Variants in TRIM67 observed in about 807,000 individuals in gnomAD.
The protein encoded by TRIM67 is tripartite motif containing 67.
In TRIM67, 39 loss-of-function variants were observed where a neutral mutation model predicts 71.0. That is an observed-to-expected ratio of 0.55 (90% CI 0.43 to 0.72). The LOEUF is 0.72. Among genes scored for constraint, TRIM67 ranks in the 30% least tolerant of loss-of-function variants. The probability of loss-of-function intolerance (pLI) is 0.00; values close to 1 mark genes in which losing one functional copy is unlikely to be tolerated. For missense variants in TRIM67, 973 were observed against 1,079.2 expected (o/e 0.90, Z 1.38); for synonymous variants, 481 against 473.9 (o/e 1.01, Z -0.19).
rs1157186159 is a variant in TRIM67, at chr1:231,162,829, T to C, written c.-141T>C. The C allele has an allele frequency of 3.6e-6, 4 of 1,102,858 alleles. No homozygotes were observed. Among genetic ancestry groups the C allele is most frequent in the African/African-American group, 1.6e-5 (1 of 61,990 alleles). The allele number at this position is 1,102,858 out of a possible 1,614,324, so 68.3% of individuals were successfully genotyped here. A position where few individuals can be genotyped will look rare whatever the true frequency, so the allele number is the denominator to read the frequency against. On this transcript the variant is annotated 5_prime_UTR_variant, in exon 1 of 10. Coordinates refer to ENST00000366653, the MANE Select transcript of TRIM67 (RefSeq NM_001004342.5). ...CAGGACAGAGAGAGGGGCGTGCCCCTCGGCTGTGAAGTGGGCATGCCCGTG... is the reference window on the plus strand; with the variant it reads ...CAGGACAGAGAGAGGGGCGTGCCCCCCGGCTGTGAAGTGGGCATGCCCGTG...
At chr1:231,169,657 G>A (rs1269324494) in intron 1 of TRIM67, among the ~76,000 whole-genome samples, 2 of 151,924 alleles carry the variant, frequency 1.3e-5, no homozygotes, top group Non-Finnish European at 2.9e-5. Context: ...GGGATTACAG[G>A]CATGTGACAC....
At chr1:231,164,149 C>A in intron 1 of TRIM67, 136 bp downstream of exon 1, 1 of 1,133,794 alleles carries the variant, frequency 8.8e-7, no homozygotes, top group Non-Finnish European at 1.2e-6. Flanking sequence ...ATTAGCCATT[C>A]ATTCCATCAG....
intron 1 of TRIM67, among the ~76,000 whole-genome samples, chr1:231,178,428 C>T (rs545287324): frequency 1.3e-5 from 2 of 152,208 alleles, no homozygotes; most frequent in Admixed American, 6.5e-5. Flanking sequence ...ACCACATGTG[C>T]GTGTTCAATA....
At chr1:231,180,253 A>G (rs952169529) in intron 1 of TRIM67, among the ~76,000 whole-genome samples, 4 of 152,152 alleles carry the variant, frequency 2.6e-5, no homozygotes, top group African/African-American at 9.7e-5. Flanking sequence ...ATTAATCACT[A>G]TTTCTGAATA....
At position 231,199,217 on chromosome 1, in the gene TRIM67, C is replaced by T. The variant is rs1318082745; in HGVS notation, c.1263+48C>T. 2.5e-6 allele frequency: 4 copies of T among 1,587,060 alleles called. No homozygotes were observed. In the Admixed American group the frequency reaches 5.0e-5, roughly 20 times the overall value. The stretch of plus-strand genomic sequence containing the variant: ...CATTGAATCCCTGCCACATCCTCTG[C>T]ACCCAGCGTGGGGTGGAGCACAGAG... On this transcript the variant is annotated intron_variant, in intron 3 of 9. Transcript: ENST00000366653.
chr1:231,173,753 G>A (rs930722872), intron 1 of TRIM67, among the ~76,000 whole-genome samples: 1 of 152,188 alleles, frequency 6.6e-6, no homozygotes, highest in Non-Finnish European at 1.5e-5. Context: ...GCTGGGGTGT[G>A]ATGTTTCTTT....
Position 231,218,765 on chromosome 1 carries a change from C to T in TRIM67, c.*3325C>T. 1.0e-6 allele frequency: 1 copy of T among 985,394 alleles called. No homozygotes were observed. The allele number at this position is 985,394 out of a possible 1,614,324, so 61.0% of individuals were successfully genotyped here. A position where few individuals can be genotyped will look rare whatever the true frequency, so the allele number is the denominator to read the frequency against. On this transcript the variant is annotated 3_prime_UTR_variant, in exon 10 of 10. Coordinates refer to ENST00000366653, the MANE Select transcript of TRIM67 (RefSeq NM_001004342.5). ...GCGCCCTAGGTGCCCTATGGCCCAC[C>T]AAGTTTGAGGAGGGTGGTGCTTTCC... is the stretch of plus-strand genomic sequence containing the variant.
chr1:231,174,562 T>G (rs983235552), intron 1 of TRIM67, among the ~76,000 whole-genome samples: 8 of 152,154 alleles, frequency 5.3e-5, no homozygotes, highest in South Asian at 4.1e-4. Context: ...TCACTGGTTA[T>G]TTTTTAGGCT....
chr1:231,176,077 CT>C (rs1257127211), intron 1 of TRIM67, among the ~76,000 whole-genome samples: 1 of 152,140 alleles, frequency 6.6e-6, no homozygotes, highest in Non-Finnish European at 1.5e-5. Flanking sequence ...GCTTTCATTC[CT>C]GAGTCCATCT....
intron 8 of TRIM67, among the ~76,000 whole-genome samples, chr1:231,210,504 G>C (rs1244445917): frequency 6.6e-6 from 1 of 151,092 alleles, no homozygotes; most frequent in Non-Finnish European, 1.5e-5. Flanking sequence ...CCTCTGCCCG[G>C]ACACTGCAGG....
chr1:231,173,975 C>T (rs1682677048), intron 1 of TRIM67, among the ~76,000 whole-genome samples: 1 of 151,948 alleles, frequency 6.6e-6, no homozygotes, highest in South Asian at 2.1e-4. Context: ...TTGGTGTCTT[C>T]TATTATTTTT....
At chr1:231,176,956 G>C (rs1308975577) in intron 1 of TRIM67, among the ~76,000 whole-genome samples, 1 of 139,126 alleles carries the variant, frequency 7.2e-6, no homozygotes, top group Non-Finnish European at 1.5e-5. Flanking sequence ...GCTCAGCTAA[G>C]TTAAGGGGCT....
At chr1:231,205,591 T>C (rs867679809) in intron 6 of TRIM67, among the ~76,000 whole-genome samples, 1 of 152,006 alleles carries the variant, frequency 6.6e-6, no homozygotes, top group Non-Finnish European at 1.5e-5. Flanking sequence ...CCGGGCATGG[T>C]GGCGGATGCC....
chr1:231,219,801 G>A lies in TRIM67; in HGVS notation c.*4361G>A, dbSNP rs1166068643. The A allele has an allele frequency of 7.9e-7, 1 of 1,266,306 alleles. No homozygotes were observed. The highest frequency in any genetic ancestry group is 1.0e-6 in the Non-Finnish European group (1 of 976,082). The allele number at this position is 1,266,306 out of a possible 1,614,324, so 78.4% of individuals were successfully genotyped here. On this transcript the variant is annotated 3_prime_UTR_variant, in exon 10 of 10. Coordinates refer to ENST00000366653, the MANE Select transcript of TRIM67 (RefSeq NM_001004342.5). ...TGCAAGTGAGCCGGTAGCTGTGTTT[G>A]TTGACCACATTCTTTGGCAGTTCCT...
chr1:231,196,230 G>C (rs1683368918), intron 1 of TRIM67, among the ~76,000 whole-genome samples: 2 of 152,182 alleles, frequency 1.3e-5, no homozygotes, highest in South Asian at 2.1e-4. Flanking sequence ...GGACTTGGGG[G>C]AGAAGGAGAC....
In TRIM67 at chr1:231,174,486, T is replaced by C. The variant is rs142049664; in HGVS notation, c.1044+10473T>C. Among the ~76,000 whole-genome samples, 844 of 152,270 alleles carry C rather than the reference T, an allele frequency of 5.5e-3. 9 individuals are homozygous for C. The highest frequency in any genetic ancestry group is 0.019 in the African/African-American group (804 of 41,544). ...CAGCCTTTTATTTTACTTTTAGTCT[T>C]TTTTCTTTAATCACTTTTTTTGTTT... On this transcript the variant is annotated intron_variant, in intron 1 of 9. Coordinates refer to ENST00000366653, the MANE Select transcript of TRIM67 (RefSeq NM_001004342.5).
rs1338474933 is a variant in TRIM67 at position 231,218,570 on chromosome 1, T to C, written c.*3130T>C. 20 of 985,326 alleles carry C rather than the reference T, an allele frequency of 2.0e-5. No individual in the cohort carries two copies. Among genetic ancestry groups the C allele is most frequent in the Non-Finnish European group, 2.4e-5 (20 of 829,942 alleles). 61.0% of individuals were successfully genotyped at this position (985,326 alleles called of 1,614,324 possible). A position where few individuals can be genotyped will look rare whatever the true frequency, so the allele number is the denominator to read the frequency against. ...TCCTAATTCAAAGCAGGGGAAGGTA[T>C]TTCCCCAAAGCCTGCTTTTCCTCTC... On this transcript the variant is annotated 3_prime_UTR_variant, in exon 10 of 10. Transcript: ENST00000366653.
intron 1 of TRIM67, among the ~76,000 whole-genome samples, chr1:231,182,658 C>A (rs1457814445): frequency 6.6e-6 from 1 of 152,172 alleles, no homozygotes; most frequent in Non-Finnish European, 1.5e-5. Flanking sequence ...CTTGGCAGGT[C>A]ATGTGAAGGT....
chr1:231,210,529 T>G (rs1263627554), intron 8 of TRIM67, among the ~76,000 whole-genome samples: 1 of 150,784 alleles, frequency 6.6e-6, no homozygotes, highest in African/African-American at 2.4e-5. Flanking sequence ...CCACTCTCCC[T>G]CCCACCCACA....
Sources: allele counts gnomAD v4.1 joint callset (sites outside exome capture counted in the v4.1 genomes callset), GRCh38; gene constraint gnomAD v4.1.1; transcripts MANE v1.5; gene names NCBI Gene and HGNC (gene_info 2026-07-23, HGNC 2026-07-21).